Variants in PRKAR1B observed in about 807,000 individuals in gnomAD.
The protein encoded by PRKAR1B is cAMP-dependent protein kinase type I-beta regulatory subunit.
In PRKAR1B, 22 loss-of-function variants were observed where a neutral mutation model predicts 46.5. That is an observed-to-expected ratio of 0.47 (90% CI 0.34 to 0.68). The LOEUF (loss-of-function observed/expected upper bound fraction) is 0.68. PRKAR1B is among the 30% of genes least tolerant of loss of function. The probability of loss-of-function intolerance (pLI) is 0.01; values close to 1 mark genes in which losing one functional copy is unlikely to be tolerated. For missense variants in PRKAR1B, 445 were observed against 535.6 expected, an observed-to-expected ratio of 0.83 and a Z score of 1.67; for synonymous variants, 259 against 217.7, an observed-to-expected ratio of 1.19 and a Z score of -1.67.
chr7:550,206 C>T lies in PRKAR1B; in HGVS notation c.*224G>A. The T allele has an allele frequency of 1.8e-6, 1 of 558,458 alleles. No individual in the cohort carries two copies. The highest frequency in any genetic ancestry group is 3.2e-6 in the Non-Finnish European group (1 of 311,894). 34.6% of individuals were successfully genotyped at this position (558,458 alleles called of 1,614,324 possible). On this transcript the variant is annotated 3_prime_UTR_variant, in exon 11 of 11. Coordinates refer to ENST00000537384, the MANE Select transcript of PRKAR1B (RefSeq NM_001164760.2). ...TGGGGAGGAAGCTGGCCTGTCCCTT[C>T]CTTGATCTTGGGATGCATTTTGTCC... is the stretch of plus-strand genomic sequence containing the variant.
At chr7:554,009 C>T (rs374476944) in intron 9 of PRKAR1B, among the ~76,000 whole-genome samples, 3 of 152,368 alleles carry the variant, frequency 2.0e-5, no homozygotes, top group South Asian at 2.1e-4. Context: ...ACTCAGACCC[C>T]GGGCGCTGGA....
At chr7:680,130 C>T (rs1423560631) in intron 3 of PRKAR1B, among the ~76,000 whole-genome samples, 2 of 149,524 alleles carry the variant, frequency 1.3e-5, no homozygotes, top group African/African-American at 2.5e-5. Context: ...TGCACTCCAG[C>T]CTGGGGGACG....
intron 4 of PRKAR1B, among the ~76,000 whole-genome samples, chr7:663,830 C>T (rs1785752463): frequency 6.6e-6 from 1 of 152,150 alleles, no homozygotes; most frequent in African/African-American, 2.4e-5. Flanking sequence ...AAGCAGAACT[C>T]AGGGAGCGTG....
chr7:605,078 T>A (rs1781935149), intron 6 of PRKAR1B, among the ~76,000 whole-genome samples: 1 of 152,204 alleles, frequency 6.6e-6, no homozygotes. Flanking sequence ...GGGACATGTC[T>A]GCTGATGCCC....
intron 8 of PRKAR1B, among the ~76,000 whole-genome samples, chr7:583,577 C>T (rs1484233179): frequency 8.2e-5 from 11 of 133,994 alleles, no homozygotes; most frequent in Non-Finnish European, 1.5e-5. Context: ...CATGCACACA[C>T]ACTTGCACAC....
chr7:573,740 G>A (rs1270281912), intron 9 of PRKAR1B, among the ~76,000 whole-genome samples: 2 of 152,210 alleles, frequency 1.3e-5, no homozygotes, highest in African/African-American at 2.4e-5. Flanking sequence ...GTCAGAAAGC[G>A]GAAAACACTG....
chr7:591,323 C>T (rs1342194086), intron 7 of PRKAR1B, among the ~76,000 whole-genome samples: 1 of 152,266 alleles, frequency 6.6e-6, no homozygotes, highest in Admixed American at 6.5e-5. Flanking sequence ...GTGTGTCTGC[C>T]GGCATCCCCA....
intron 9 of PRKAR1B, among the ~76,000 whole-genome samples, chr7:577,380 G>A (rs113784847): frequency 0.025 from 3,794 of 152,270 alleles, 87 homozygotes; most frequent in Non-Finnish European, 0.041. Flanking sequence ...CCACCCTGAC[G>A]CACGCATTTC....
chr7:714,580 C>T lies in PRKAR1B; in HGVS notation c.-22-3053G>A, dbSNP rs1311963548. 6.6e-6 allele frequency among the ~76,000 whole-genome samples: 1 copy of T among 152,246 alleles called. No homozygotes were observed. The highest frequency in any genetic ancestry group is 1.5e-5 in the Non-Finnish European group (1 of 68,042). ...TTTCCCCGCCACTCAGATCCCTGTT[C>T]CAGTGGCCCCCACCCCACACAAGGA... On this transcript the variant is annotated intron_variant, in intron 1 of 10. Transcript: ENST00000537384. This position sits in a 1 kb window ranked among gnomAD's most constrained non-coding sequence, Gnocchi z 4.3.
chr7:709,905 A>G lies in PRKAR1B; in HGVS notation c.177+1424T>C, dbSNP rs189943701. 2.0e-3 allele frequency among the ~76,000 whole-genome samples: 299 copies of G among 152,154 alleles called. 1 individual carries two copies. Among genetic ancestry groups the G allele is most frequent in the African/African-American group, 7.0e-3 (291 of 41,526 alleles). On this transcript the variant is annotated intron_variant, in intron 2 of 10. Coordinates refer to ENST00000537384, the MANE Select transcript of PRKAR1B (RefSeq NM_001164760.2). Reference sequence around the variant, plus strand: ...TGATCTTCCCACCTCGACCTTCCAAATGCTGGGATTACAGGTATAAGCCAC... The same window carrying G: ...TGATCTTCCCACCTCGACCTTCCAAGTGCTGGGATTACAGGTATAAGCCAC...
rs1780820088 is a variant in PRKAR1B at position 714,919 on chromosome 7, T to C, written c.-22-3392A>G. ...AAATACCTTTGGCCGGATGCGGTGGTTCACACCTGTAATCCCAGCACTTTG... is the reference window on the plus strand; with the variant it reads ...AAATACCTTTGGCCGGATGCGGTGGCTCACACCTGTAATCCCAGCACTTTG... On this transcript the variant is annotated intron_variant, in intron 1 of 10. Coordinates refer to ENST00000537384, the MANE Select transcript of PRKAR1B (RefSeq NM_001164760.2). The surrounding 1 kb of genome is among the most constrained non-coding windows in gnomAD (Gnocchi z 4.3). Among the ~76,000 whole-genome samples, 2 of 152,096 alleles carry C rather than the reference T, an allele frequency of 1.3e-5. No individual in the cohort carries two copies. The highest frequency in any genetic ancestry group is 6.6e-5 in the Admixed American group (1 of 15,266).
intron 4 of PRKAR1B, among the ~76,000 whole-genome samples, chr7:615,946 G>T (rs1161851327): frequency 6.7e-6 from 1 of 148,972 alleles, no homozygotes; most frequent in Non-Finnish European, 1.5e-5. Context: ...GGCAGAGAAA[G>T]AAAGAAAAAT....
At chr7:675,734 T>A (rs1786543899) in intron 4 of PRKAR1B, among the ~76,000 whole-genome samples, 1 of 152,008 alleles carries the variant, frequency 6.6e-6, no homozygotes, top group Admixed American at 6.6e-5. Context: ...GATCATGAGG[T>A]CAGGAGTTCG....
At chr7:636,086 ACGTCCTCCACCG>A in intron 4 of PRKAR1B, among the ~76,000 whole-genome samples, 1 of 20,148 alleles carries the variant, frequency 5.0e-5, no homozygotes, top group Non-Finnish European at 9.3e-5. Context: ...CCGCGCCCTC[ACGTCCTCCACCG>A]GCCGCGCCCT....
At chr7:636,887 C>A (rs920669755) in intron 4 of PRKAR1B, among the ~76,000 whole-genome samples, 20 of 152,174 alleles carry the variant, frequency 1.3e-4, no homozygotes, top group African/African-American at 4.6e-4. Context: ...AACTGTGACC[C>A]CGCAAACCAC....
intron 1 of PRKAR1B, chr7:712,803 A>T (rs1233709294): frequency 3.4e-5 from 3 of 88,768 alleles, no homozygotes; most frequent in African/African-American, 4.5e-5. Context: ...GGCACCCCCC[A>T]CTCCCGCCCC....
chr7:703,604 C>T lies in PRKAR1B; in HGVS notation c.177+7725G>A, dbSNP rs1013332978. ...CCGGGAGGTGGAGCTTGGAGTGAGC[C>T]GAGATCACGTCACTGCACTCCAGCC... On this transcript the variant is annotated intron_variant, in intron 2 of 10. Transcript: ENST00000537384. 9.9e-4 allele frequency among the ~76,000 whole-genome samples: 149 copies of T among 150,100 alleles called. 1 individual carries two copies. Among genetic ancestry groups the T allele is most frequent in the Admixed American group, 2.7e-4 (4 of 14,904 alleles).
intron 4 of PRKAR1B, among the ~76,000 whole-genome samples, chr7:672,048 C>T (rs1170981796): frequency 6.6e-6 from 1 of 152,198 alleles, no homozygotes. Context: ...CCCATGAGGA[C>T]AGCACCCGTT....
intron 7 of PRKAR1B, 70 bp from the exon 8 acceptor site, chr7:584,638 G>A: frequency 7.4e-7 from 1 of 1,350,748 alleles, no homozygotes; most frequent in Non-Finnish European, 1.0e-6. Context: ...GACGTTTCCA[G>A]ATTTCCCCAA....
Sources: allele counts gnomAD v4.1 joint callset (sites outside exome capture counted in the v4.1 genomes callset), GRCh38; gene constraint gnomAD v4.1.1; non-coding constraint Gnocchi (gnomAD v3.1); transcripts MANE v1.5; gene names NCBI Gene and HGNC (gene_info 2026-07-23, HGNC 2026-07-21).